Variants in CSNK1G3 observed in about 807,000 individuals in gnomAD.
CSNK1G3 encodes casein kinase 1 gamma 3.
A neutral mutation model predicts 64.3 loss-of-function variants in CSNK1G3; 23 were observed. That is an observed-to-expected ratio of 0.36 (90% CI 0.26 to 0.51). CSNK1G3 has a LOEUF of 0.51. Ranked by LOEUF, CSNK1G3 falls within the 20% of genes least tolerant of loss-of-function variation. CSNK1G3 has a pLI of 0.96. For missense variants in CSNK1G3, 357 were observed against 510.5 expected (o/e 0.70, Z 2.90); for synonymous variants, 158 against 162.2 (o/e 0.97, Z 0.20).
At chr5:123,529,202 A>T (rs1779532805) in intron 1 of CSNK1G3, among the ~76,000 whole-genome samples, 1 of 152,206 alleles carries the variant, frequency 6.6e-6, no homozygotes, top group Non-Finnish European at 1.5e-5. Flanking sequence ...AGAGATGTGT[A>T]TTAAATAAGG....
intron 10 of CSNK1G3, among the ~76,000 whole-genome samples, chr5:123,603,269 A>AT (rs529178157): frequency 1.9e-4 from 29 of 150,600 alleles, no homozygotes; most frequent in South Asian, 1.7e-3. Context: ...TGAGTTATAT[A>AT]TTTTTTTTTT....
chr5:123,539,177 G>T (rs1781291217), intron 1 of CSNK1G3, among the ~76,000 whole-genome samples: 1 of 152,082 alleles, frequency 6.6e-6, no homozygotes, highest in South Asian at 2.1e-4. Flanking sequence ...CTGTAGAAAT[G>T]ATCTCATTGG....
At chr5:123,594,075 G>T (rs1431064462) in intron 10 of CSNK1G3, among the ~76,000 whole-genome samples, 1 of 152,154 alleles carries the variant, frequency 6.6e-6, no homozygotes, top group Non-Finnish European at 1.5e-5. Flanking sequence ...CTGTGGGGAA[G>T]TGGTTAATGT....
At chr5:123,572,647 T>C (rs1391404717) in intron 4 of CSNK1G3, among the ~76,000 whole-genome samples, 1 of 152,202 alleles carries the variant, frequency 6.6e-6, no homozygotes, top group Non-Finnish European at 1.5e-5. Context: ...GCAATAGAAC[T>C]GTGTGGCCCT....
At chr5:123,572,788 T>A (rs1788383604) in intron 4 of CSNK1G3, among the ~76,000 whole-genome samples, 1 of 152,216 alleles carries the variant, frequency 6.6e-6, no homozygotes, top group African/African-American at 2.4e-5. Context: ...TTTTAAAGTC[T>A]CACCTGAATA....
At position 123,527,269 on chromosome 5, in the gene CSNK1G3, G is replaced by T. The variant is rs1183069424; in HGVS notation, c.-248+14699G>T. Among the ~76,000 whole-genome samples, 3 of 152,100 alleles carry T rather than the reference G, an allele frequency of 2.0e-5. No homozygotes were observed. The South Asian group carries it at 6.2e-4, about 31-fold the overall frequency. On this transcript the variant is annotated intron_variant, in intron 1 of 12. Transcript: ENST00000345990. ...CAAGTAATGTAGCCCTGATCTCTAG[G>T]AGAAAAACTAGGCTTTTAAAACCTT... is the stretch of plus-strand genomic sequence containing the variant.
At chr5:123,602,984 G>A (rs78032884) in intron 10 of CSNK1G3, among the ~76,000 whole-genome samples, 1 of 152,192 alleles carries the variant, frequency 6.6e-6, no homozygotes, top group African/African-American at 2.4e-5. Flanking sequence ...CTGAGGTTTA[G>A]CAAGGTAAGG....
intron 6 of CSNK1G3, among the ~76,000 whole-genome samples, chr5:123,581,038 C>G (rs1581253148): frequency 6.6e-6 from 1 of 151,866 alleles, no homozygotes; most frequent in Non-Finnish European, 1.5e-5. Context: ...AATTTAATTT[C>G]TAGGTTAATT....
At chr5:123,576,143 GT>G (rs1789116021) in intron 6 of CSNK1G3, among the ~76,000 whole-genome samples, 180 bp downstream of exon 6, 1 of 152,102 alleles carries the variant, frequency 6.6e-6, no homozygotes, top group Non-Finnish European at 1.5e-5. Context: ...TTGAAAGTAA[GT>G]TACTATAGAG....
chr5:123,553,332 G>A (rs1358627972), intron 3 of CSNK1G3, among the ~76,000 whole-genome samples, 185 bp downstream of exon 3: 1 of 152,120 alleles, frequency 6.6e-6, no homozygotes. Flanking sequence ...ATATGGTAAT[G>A]TGTAGGACAT....
chr5:123,604,684 G>T (rs558970215), intron 10 of CSNK1G3, 40 bp from the exon 12 acceptor site: 2 of 1,016,282 alleles, frequency 2.0e-6, no homozygotes, highest in East Asian at 5.2e-5. Flanking sequence ...GAGCATGTGT[G>T]TGTACATATA....
intron 4 of CSNK1G3, among the ~76,000 whole-genome samples, chr5:123,564,267 T>C (rs955615089): frequency 1.3e-5 from 2 of 152,036 alleles, no homozygotes; most frequent in African/African-American, 4.8e-5. Context: ...GTTTATATGG[T>C]GCAGGCATTA....
At chr5:123,513,624 A>G (rs1776637204) in intron 1 of CSNK1G3, among the ~76,000 whole-genome samples, 1 of 152,216 alleles carries the variant, frequency 6.6e-6, no homozygotes, top group Non-Finnish European at 1.5e-5. Flanking sequence ...TTTTGCAATT[A>G]CTTAGTCCGA....
chr5:123,594,859 G>A (rs1581359041), intron 10 of CSNK1G3, among the ~76,000 whole-genome samples, 180 bp from the exon 11 acceptor site: 1 of 151,944 alleles, frequency 6.6e-6, no homozygotes, highest in Non-Finnish European at 1.5e-5. Context: ...ACACAATTTG[G>A]CAACTTAATT....
intron 3 of CSNK1G3, 60 bp from the exon 4 acceptor site, chr5:123,557,435 G>A: frequency 2.4e-6 from 3 of 1,272,156 alleles, no homozygotes; most frequent in South Asian, 1.3e-5. Context: ...TAACATTTGT[G>A]TTGGGACCTA....
At chr5:123,614,510 A>G in exon 13 of CSNK1G3, 1 of 819,422 alleles carries the variant, frequency 1.2e-6, no homozygotes, top group Non-Finnish European at 1.8e-6. Context: ...CTTAGAAACA[A>G]AAATGTCATA....
chr5:123,548,321 T>C (rs1046141943), intron 2 of CSNK1G3, among the ~76,000 whole-genome samples: 12 of 151,858 alleles, frequency 7.9e-5, no homozygotes, highest in Non-Finnish European at 1.6e-4. Flanking sequence ...TAGCCAGGTG[T>C]GATGGTGTAT....
At chr5:123,600,195 CATAA>C (rs1269696318) in intron 10 of CSNK1G3, among the ~76,000 whole-genome samples, 7 of 152,022 alleles carry the variant, frequency 4.6e-5, no homozygotes, top group Non-Finnish European at 5.9e-5. Flanking sequence ...AAGCTGAATA[CATAA>C]ATAAAATATA....
chr5:123,558,236 T>A (rs2150426485), intron 4 of CSNK1G3, among the ~76,000 whole-genome samples: 1 of 152,290 alleles, frequency 6.6e-6, no homozygotes, highest in East Asian at 1.9e-4. Context: ...CCACCAAATT[T>A]GTAGTAATTT....
Sources: allele counts gnomAD v4.1 joint callset (sites outside exome capture counted in the v4.1 genomes callset), GRCh38; gene constraint gnomAD v4.1.1; transcripts MANE v1.5; gene names NCBI Gene and HGNC (gene_info 2026-07-23, HGNC 2026-07-21).